MPHOSPH8: variants seen among roughly 807,000 people sequenced by gnomAD.
MPHOSPH8 encodes M-phase phosphoprotein 8.
In MPHOSPH8, 45 loss-of-function variants were observed where a neutral mutation model predicts 87.3. The ratio of observed to expected loss-of-function variants is 0.52; its 90% confidence interval spans 0.41 to 0.66. MPHOSPH8 has a LOEUF of 0.66. Ranked by LOEUF, MPHOSPH8 falls within the 30% of genes least tolerant of loss-of-function variation. The pLI is 0.00. For missense variants in MPHOSPH8, 883 were observed against 1,020.2 expected (o/e 0.87, Z 1.83); for synonymous variants, 366 against 376.9 (o/e 0.97, Z 0.33).
rs200240326 is a variant in MPHOSPH8, at chr13:19,656,112, TAATAA to T, written c.1577-2866_1577-2862del. Among the ~76,000 whole-genome samples, 1,074 of 151,364 alleles carry T rather than the reference TAATAA, an allele frequency of 7.1e-3. 8 individuals carry two copies. Among genetic ancestry groups the T allele is most frequent in the Middle Eastern group, 0.017 (5 of 292 alleles). On this transcript the variant is annotated intron_variant, in intron 5 of 13. Coordinates refer to ENST00000361479, the MANE Select transcript of MPHOSPH8 (RefSeq NM_017520.4). The stretch of plus-strand genomic sequence containing the variant: ...GCAAAACTCCGTCTCAACAACAACG[TAATAA>T]AATAAAATAAAATAAACCAGGCAGG...
At chr13:19,649,861 C>A in intron 4 of MPHOSPH8, 142 bp from the exon 5 acceptor site, 1 of 749,120 alleles carries the variant, frequency 1.3e-6, no homozygotes, top group Non-Finnish European at 2.1e-6. Flanking sequence ...GACAGTAAAT[C>A]AGACCAGGCT....
intron 9 of MPHOSPH8, 141 bp downstream of exon 9, chr13:19,663,267 G>A (rs984971143): frequency 1.4e-5 from 10 of 727,734 alleles, no homozygotes; most frequent in Admixed American, 2.3e-5. Context: ...GCTTGCAGGG[G>A]AGAAGGAGAA....
intron 5 of MPHOSPH8, among the ~76,000 whole-genome samples, chr13:19,656,966 A>G (rs1354026155): frequency 6.6e-6 from 1 of 150,762 alleles, no homozygotes; most frequent in African/African-American, 2.4e-5. Context: ...TACTAAAAAT[A>G]CAAAAATTAG....
chr13:19,658,166 G>C (rs1176872535), intron 5 of MPHOSPH8, among the ~76,000 whole-genome samples: 1 of 152,146 alleles, frequency 6.6e-6, no homozygotes, highest in Non-Finnish European at 1.5e-5. Flanking sequence ...TTTGAGTTGA[G>C]GGCTTTGGAA....
chr13:19,649,299 T>C (rs1874724213), intron 4 of MPHOSPH8, among the ~76,000 whole-genome samples: 1 of 152,120 alleles, frequency 6.6e-6, no homozygotes, highest in South Asian at 2.1e-4. Flanking sequence ...GTATCTTGTA[T>C]GTCAGTTTCA....
intron 2 of MPHOSPH8, among the ~76,000 whole-genome samples, chr13:19,643,386 T>C (rs976698190): frequency 1.3e-4 from 20 of 152,128 alleles, no homozygotes; most frequent in African/African-American, 4.6e-4. Context: ...GCTAGGACTA[T>C]AGATACACGC....
chr13:19,639,049 C>T (rs1874144328), intron 1 of MPHOSPH8, among the ~76,000 whole-genome samples: 3 of 148,964 alleles, frequency 2.0e-5, no homozygotes, highest in African/African-American at 7.4e-5. Flanking sequence ...TGCCACTGCA[C>T]TCCAGCCTGG....
intron 5 of MPHOSPH8, among the ~76,000 whole-genome samples, chr13:19,657,690 G>T (rs1348376007): frequency 6.6e-6 from 1 of 152,202 alleles, no homozygotes; most frequent in African/African-American, 2.4e-5. Flanking sequence ...CTGCAGCTCA[G>T]CCTTTCCAGT....
chr13:19,673,168 TA>T lies in MPHOSPH8; in HGVS notation c.*1295del, dbSNP rs1342052229. 1 of 451,706 alleles carries T rather than the reference TA, an allele frequency of 2.2e-6. No homozygotes were observed. Among genetic ancestry groups the T allele is most frequent in the Non-Finnish European group, 4.4e-6 (1 of 225,964 alleles). 28.0% of individuals were successfully genotyped at this position (451,706 alleles called of 1,614,324 possible). ...ACCGACTGGGAAGATGGGGCTTAGG[TA>T]ACAGCCAAACCTGGCTGTCAGCTGT... On this transcript the variant is annotated 3_prime_UTR_variant, in exon 14 of 14. Transcript: ENST00000361479.
At chr13:19,661,884 C>T (rs780887318) in intron 8 of MPHOSPH8, 46 bp downstream of exon 8, 1 of 1,556,552 alleles carries the variant, frequency 6.4e-7, no homozygotes, top group African/African-American at 1.4e-5. Flanking sequence ...CATGGTATTC[C>T]TGCCGATGGA....
chr13:19,647,781 G>A (rs1363199369), intron 3 of MPHOSPH8, among the ~76,000 whole-genome samples: 1 of 151,988 alleles, frequency 6.6e-6, no homozygotes, highest in Non-Finnish European at 1.5e-5. Flanking sequence ...TCCAAATTAT[G>A]AGAGTATTTA....
At chr13:19,666,627 T>A in intron 10 of MPHOSPH8, 48 bp downstream of exon 10, 1 of 1,507,350 alleles carries the variant, frequency 6.6e-7, no homozygotes. Flanking sequence ...ATCATACATC[T>A]GTTTATGTAG....
intron 4 of MPHOSPH8, 83 bp downstream of exon 4, chr13:19,648,604 AT>A: frequency 1.8e-6 from 1 of 560,872 alleles, no homozygotes. Context: ...TTATATAAAA[AT>A]TTATATAATT....
At chr13:19,652,694 G>C (rs902643525) in intron 5 of MPHOSPH8, among the ~76,000 whole-genome samples, 1 of 152,142 alleles carries the variant, frequency 6.6e-6, no homozygotes, top group African/African-American at 2.4e-5. Flanking sequence ...TGAAATTCTC[G>C]CTGCCAGCAC....
At chr13:19,656,960 A>AC (rs1461713339) in intron 5 of MPHOSPH8, among the ~76,000 whole-genome samples, 3 of 147,794 alleles carry the variant, frequency 2.0e-5, no homozygotes, top group East Asian at 2.1e-4. Flanking sequence ...CGTCTCTACT[A>AC]AAAATACAAA....
chr13:19,656,277 C>CCA (rs1555223175), intron 5 of MPHOSPH8, among the ~76,000 whole-genome samples: 3 of 72,244 alleles, frequency 4.2e-5, no homozygotes, highest in Non-Finnish European at 7.0e-5. Flanking sequence ...AGACTGTTGT[C>CCA]AAAAAAAAAA....
chr13:19,666,316 T>C (rs775172143), intron 9 of MPHOSPH8, 109 bp from the exon 10 acceptor site: 125 of 1,178,464 alleles, frequency 1.1e-4, no homozygotes, highest in Non-Finnish European at 1.4e-4. Context: ...CCTTCTTCCA[T>C]GGCCTGTGCC....
intron 10 of MPHOSPH8, among the ~76,000 whole-genome samples, chr13:19,667,026 G>A (rs1875856686): frequency 1.3e-5 from 2 of 152,028 alleles, no homozygotes; most frequent in African/African-American, 2.4e-5. Context: ...GCCGGGCGTG[G>A]TGGTGGGTAC....
At chr13:19,644,768 C>G (rs1442472811) in intron 2 of MPHOSPH8, among the ~76,000 whole-genome samples, 2 of 152,184 alleles carry the variant, frequency 1.3e-5, no homozygotes, top group African/African-American at 4.8e-5. Flanking sequence ...TTTCTTTTCT[C>G]AGGTGTCTTA....
Sources: allele counts gnomAD v4.1 joint callset (sites outside exome capture counted in the v4.1 genomes callset), GRCh38; gene constraint gnomAD v4.1.1; transcripts MANE v1.5; gene names NCBI Gene and HGNC (gene_info 2026-07-23, HGNC 2026-07-21).